The following SHQ1 variants were observed in gnomAD, a reference collection of about 807,000 sequenced individuals.
SHQ1 encodes the protein protein SHQ1 homolog.
A neutral mutation model predicts 53.8 loss-of-function variants in SHQ1; 49 were observed. The ratio of observed to expected loss-of-function variants is 0.91; its 90% CI spans 0.72 to 1.16. SHQ1 has a LOEUF of 1.16. SHQ1 is among the 50% of genes most tolerant of loss of function. The pLI is 0.00. For missense variants in SHQ1, 738 were observed against 683.1 expected, an observed-to-expected ratio of 1.08 and a Z score of -0.90; for synonymous variants, 243 against 251.0, an observed-to-expected ratio of 0.97 and a Z score of 0.30.
chr3:72,755,633 C>A (rs1007072870), intron 10 of SHQ1, among the ~76,000 whole-genome samples: 5 of 152,076 alleles, frequency 3.3e-5, no homozygotes, highest in African/African-American at 1.2e-4. Flanking sequence ...GGAAATTATT[C>A]CTGTAGGGAA....
the SHQ1 span, among the ~76,000 whole-genome samples, chr3:72,728,958 T>C: frequency 6.6e-6 from 1 of 152,172 alleles, no homozygotes; most frequent in Admixed American, 6.5e-5. Context: ...AGAGCCCAGA[T>C]ATAAAATGTT....
chr3:72,736,943 G>A, the SHQ1 span, among the ~76,000 whole-genome samples: 14 of 152,026 alleles, frequency 9.2e-5, no homozygotes, highest in East Asian at 2.7e-3. Flanking sequence ...CACAGGGAAA[G>A]CAGAGTTTAT....
At chr3:72,791,258 C>T (rs1366819374) in intron 10 of SHQ1, among the ~76,000 whole-genome samples, 2 of 152,134 alleles carry the variant, frequency 1.3e-5, no homozygotes, top group Non-Finnish European at 1.5e-5. Flanking sequence ...AAAGTAACAA[C>T]AGGAAATGGC....
At chr3:72,741,188 G>A in the SHQ1 span, among the ~76,000 whole-genome samples, 2 of 152,202 alleles carry the variant, frequency 1.3e-5, no homozygotes, top group Admixed American at 1.3e-4. Flanking sequence ...CCCACAGTCG[G>A]CCCTTGGGTC....
At chr3:72,771,705 T>A (rs182846440) in intron 10 of SHQ1, among the ~76,000 whole-genome samples, 131 of 152,196 alleles carry the variant, frequency 8.6e-4, no homozygotes, top group African/African-American at 3.1e-3. Context: ...TGGACAAAGG[T>A]TGGAAATTTG....
At chr3:72,801,805 G>C (rs866539119) in intron 9 of SHQ1, among the ~76,000 whole-genome samples, 1 of 152,226 alleles carries the variant, frequency 6.6e-6, no homozygotes, top group African/African-American at 2.4e-5. Context: ...ATATGAAAAG[G>C]ATGCATGAAA....
the SHQ1 span, among the ~76,000 whole-genome samples, chr3:72,739,741 A>C: frequency 6.6e-6 from 1 of 152,360 alleles, no homozygotes; most frequent in African/African-American, 2.4e-5. Context: ...TTAGAAGTGC[A>C]ATGTCTGTGA....
rs201699919 is a variant in SHQ1, at chr3:72,842,443, A to G, written c.209-41T>C. On this transcript the variant is annotated intron_variant, in intron 2 of 10. Transcript: ENST00000325599. ...GTTTTATGCTTAGATTAAAATATTT[A>G]AAAAGCTGGGCACAATAGCTTACAC... 4 of 1,586,742 alleles carry G rather than the reference A, an allele frequency of 2.5e-6. No individual in the cohort carries two copies. The African/African-American group carries it at 4.1e-5, about 16-fold the overall frequency.
chr3:72,773,382 C>T (rs1705894150), intron 10 of SHQ1: 1 of 486,738 alleles, frequency 2.1e-6, no homozygotes, highest in Non-Finnish European at 4.0e-6. Flanking sequence ...ACAGTACATC[C>T]CTCAGCCTAT....
At chr3:72,809,278 T>C (rs534427705) in intron 9 of SHQ1, among the ~76,000 whole-genome samples, 1 of 152,266 alleles carries the variant, frequency 6.6e-6, no homozygotes, top group South Asian at 2.1e-4. Flanking sequence ...TGTAATGAAG[T>C]TCAAAGTGGA....
At chr3:72,733,869 C>A in the SHQ1 span, among the ~76,000 whole-genome samples, 2 of 151,534 alleles carry the variant, frequency 1.3e-5, no homozygotes, top group African/African-American at 2.4e-5. Context: ...ACTCAGTTTT[C>A]TCATCTGCAA....
Position 72,842,393 on chromosome 3 carries a change from G to A in SHQ1, c.218C>T (p.Thr73Ile). The change falls in exon 3 of 11, where the codon ACC becomes ATC. Residue 73 changes from threonine to isoleucine, a missense_variant. Thr to Ile is a moderately conservative substitution (Grantham distance 89). Coordinates refer to ENST00000325599, the MANE Select transcript of SHQ1 (RefSeq NM_018130.3). ...GSYDADKGIF[T>I]IRLPKETPGQ... ...AGGGGTTTCTTTGGGCAGGCGAATG[G>A]TAAAAATTCCTTAAAGATAAATTTG... The A allele has an allele frequency of 1.2e-6, 2 of 1,612,894 alleles. No individual in the cohort carries two copies. Among genetic ancestry groups the A allele is most frequent in the Non-Finnish European group, 8.5e-7 (1 of 1,179,304 alleles).
At chr3:72,785,123 T>A (rs2106769310) in intron 10 of SHQ1, among the ~76,000 whole-genome samples, 2 of 152,328 alleles carry the variant, frequency 1.3e-5, no homozygotes, top group South Asian at 4.1e-4. Flanking sequence ...GGAGTGGCCA[T>A]CCTCCATGTG....
intron 10 of SHQ1, among the ~76,000 whole-genome samples, chr3:72,788,053 T>C (rs1706296579): frequency 6.6e-6 from 1 of 152,176 alleles, no homozygotes; most frequent in Non-Finnish European, 1.5e-5. Flanking sequence ...TGGCGTGATC[T>C]CGGCTCGCTA....
chr3:72,782,770 T>C (rs532018534), intron 10 of SHQ1, among the ~76,000 whole-genome samples: 3 of 152,350 alleles, frequency 2.0e-5, no homozygotes, highest in South Asian at 2.1e-4. Flanking sequence ...CGTGACTCCA[T>C]TGAAAGAATG....
At chr3:72,794,248 G>C (rs1706531533) in intron 9 of SHQ1, 1 of 152,164 alleles carries the variant, frequency 6.6e-6, no homozygotes, top group Admixed American at 6.5e-5. Flanking sequence ...TCATGAGCTA[G>C]ATGATGACAT....
chr3:72,811,003 C>A (rs1707101961), intron 9 of SHQ1, among the ~76,000 whole-genome samples: 1 of 152,176 alleles, frequency 6.6e-6, no homozygotes, highest in Non-Finnish European at 1.5e-5. Flanking sequence ...AAAATTAAGT[C>A]TCAATTTCAA....
intron 10 of SHQ1, among the ~76,000 whole-genome samples, chr3:72,788,422 G>A (rs1158899508): frequency 1.3e-5 from 2 of 151,974 alleles, no homozygotes; most frequent in Non-Finnish European, 2.9e-5. Flanking sequence ...GAGAAGTGAG[G>A]AGCCTCTCTG....
chr3:72,763,062 CAGAGAGAGAG>C (rs1298255006), intron 10 of SHQ1, among the ~76,000 whole-genome samples: 5 of 76,200 alleles, frequency 6.6e-5, no homozygotes, highest in Non-Finnish European at 1.7e-4. Flanking sequence ...CACACACACA[CAGAGAGAGAG>C]AGAGAGAGAG....
Sources: gnomAD v4.1 joint callset for allele counts (sites outside exome capture counted in the v4.1 genomes callset) on GRCh38, gnomAD v4.1.1 for gene constraint, MANE v1.5 for transcripts, NCBI Gene and HGNC (gene_info 2026-07-23, HGNC 2026-07-21) for gene names.